The following PTGFRN variants were observed in gnomAD, a reference collection of about 807,000 sequenced individuals.
PTGFRN encodes the protein prostaglandin F2 receptor inhibitor.
PTGFRN carries 35 observed loss-of-function variants against 83.2 expected under a neutral mutation model. The ratio of observed to expected loss-of-function variants is 0.42; its 90% confidence interval spans 0.32 to 0.56. The LOEUF (loss-of-function observed/expected upper bound fraction) is 0.56. PTGFRN is among the 20% of genes least tolerant of loss of function. The pLI is 0.11. For synonymous variants in PTGFRN, 519 were observed against 498.6 expected (o/e 1.04, Z -0.55); for missense variants, 1,051 against 1,179.5 (o/e 0.89, Z 1.60).
intron 1 of PTGFRN, among the ~76,000 whole-genome samples, chr1:116,919,658 C>CTCAG (rs1198210379): frequency 6.6e-6 from 1 of 152,224 alleles, no homozygotes. Flanking sequence ...AAGTCACTTG[C>CTCAG]TCAGGGTCAC....
intron 4 of PTGFRN, among the ~76,000 whole-genome samples, chr1:116,955,302 A>G (rs1220503328): frequency 1.3e-5 from 2 of 152,218 alleles, no homozygotes; most frequent in Non-Finnish European, 2.9e-5. Flanking sequence ...TGGCCTCAGT[A>G]TTCTGTGAGA....
chr1:116,971,696 T>C (rs550306745), intron 6 of PTGFRN, among the ~76,000 whole-genome samples: 1 of 152,348 alleles, frequency 6.6e-6, no homozygotes, highest in East Asian at 1.9e-4. Flanking sequence ...TTGTCTGCCT[T>C]GTGAGCTGCA....
At chr1:116,980,504 A>G (rs979095607) in intron 7 of PTGFRN, among the ~76,000 whole-genome samples, 4 of 152,228 alleles carry the variant, frequency 2.6e-5, no homozygotes, top group African/African-American at 9.7e-5. Flanking sequence ...GCACATATAC[A>G]CCATGGAATA....
In PTGFRN at chr1:116,989,601, T is replaced by C. The variant is rs1367559299; in HGVS notation, c.*2634T>C. 6.6e-6 allele frequency: 1 copy of C among 152,604 alleles called. No individual in the cohort carries two copies. Among genetic ancestry groups the C allele is most frequent in the Non-Finnish European group, 1.5e-5 (1 of 68,042 alleles). 9.5% of individuals were successfully genotyped at this position (152,604 alleles called of 1,614,324 possible). ...CTTTATAAAAGTTTGGGATTTTTTT[T>C]CCTAATCATAAAAATAGCCCCAGAA... On this transcript the variant is annotated 3_prime_UTR_variant, in exon 9 of 9. Transcript: ENST00000393203.
At position 116,949,416 on chromosome 1, in the gene PTGFRN, G is replaced by A. The variant is rs753167793; in HGVS notation, c.1057G>A (p.Ala353Thr). The A allele has an allele frequency of 7.5e-5, 121 of 1,614,138 alleles. 3 individuals carry two copies. In the South Asian group the frequency reaches 1.3e-3, roughly 17 times the overall value. The change falls in exon 4 of 9, where the codon GCA (alanine) becomes ACA (threonine). Residue 353 changes from alanine to threonine, a missense_variant. This residue lies in a region of PTGFRN where 719 missense variants were observed against 836.6 expected (regional missense o/e 0.86). Coordinates refer to ENST00000393203, the MANE Select transcript of PTGFRN (RefSeq NM_020440.4). ...TCATGTTGCTTTGAGTCATGTGGAT[G>A]CACGCTCCTACCATTTACTGGTTCG... ...SPHVALSHVD[A>T]RSYHLLVRDV... is the part of the protein sequence containing the mutation.
intron 1 of PTGFRN, among the ~76,000 whole-genome samples, chr1:116,921,022 C>T (rs980543570): frequency 3.9e-5 from 6 of 152,192 alleles, no homozygotes; most frequent in Non-Finnish European, 5.9e-5. Flanking sequence ...TTGCTTTGGT[C>T]TGAACAAGGA....
intron 6 of PTGFRN, among the ~76,000 whole-genome samples, chr1:116,970,251 A>G (rs1447073303): frequency 6.6e-6 from 1 of 151,916 alleles, no homozygotes; most frequent in African/African-American, 2.4e-5. Context: ...GATGCCCTTT[A>G]TCAGATTGAG....
chr1:116,917,770 C>T (rs1649440162), intron 1 of PTGFRN, among the ~76,000 whole-genome samples: 1 of 152,068 alleles, frequency 6.6e-6, no homozygotes, highest in African/African-American at 2.4e-5. Flanking sequence ...GCCAGGACTG[C>T]ACAACCAGGC....
intron 4 of PTGFRN, among the ~76,000 whole-genome samples, chr1:116,955,915 T>C (rs746563732): frequency 1.3e-5 from 2 of 152,264 alleles, no homozygotes; most frequent in Non-Finnish European, 2.9e-5. Flanking sequence ...TGGGATTTGT[T>C]GAATACGAAA....
chr1:116,939,462 T>C (rs12737046), intron 1 of PTGFRN, among the ~76,000 whole-genome samples: 134,893 of 152,278 alleles, frequency 0.89, 60,185 homozygotes, highest in Non-Finnish European at 0.94. Flanking sequence ...CTGCATTGGC[T>C]CCTTTCAGCT....
chr1:116,960,443 AG>A (rs986853239), intron 4 of PTGFRN, among the ~76,000 whole-genome samples: 4 of 152,240 alleles, frequency 2.6e-5, no homozygotes, highest in African/African-American at 9.6e-5. Flanking sequence ...CAGAGGAAGG[AG>A]GGGTTTTTCT....
At chr1:116,954,138 G>T (rs1042772368) in intron 4 of PTGFRN, among the ~76,000 whole-genome samples, 2 of 152,098 alleles carry the variant, frequency 1.3e-5, no homozygotes, top group Non-Finnish European at 2.9e-5. Context: ...GATTACAGGT[G>T]TGAGCCACCG....
At chr1:116,973,374 G>A (rs552248729) in intron 6 of PTGFRN, among the ~76,000 whole-genome samples, 1 of 152,160 alleles carries the variant, frequency 6.6e-6, no homozygotes, top group Admixed American at 6.5e-5. Context: ...ACTTTGGGAG[G>A]CGGGCAGATC....
At chr1:116,959,066 C>A (rs1241309955) in intron 4 of PTGFRN, among the ~76,000 whole-genome samples, 1 of 152,214 alleles carries the variant, frequency 6.6e-6, no homozygotes, top group Non-Finnish European at 1.5e-5. Flanking sequence ...ATTGCTGCAT[C>A]CTGAATTCGA....
intron 7 of PTGFRN, among the ~76,000 whole-genome samples, chr1:116,979,624 G>C (rs551408805): frequency 6.6e-6 from 1 of 152,128 alleles, no homozygotes. Flanking sequence ...ATGGGGAAAG[G>C]ATTCCCTATT....
At chr1:116,986,067 G>A (rs1651471092) in intron 8 of PTGFRN, among the ~76,000 whole-genome samples, 1 of 152,166 alleles carries the variant, frequency 6.6e-6, no homozygotes, top group Admixed American at 6.5e-5. Flanking sequence ...AGACTACTTA[G>A]CCTTTCTGAT....
In PTGFRN at chr1:116,974,270, A is replaced by T; in HGVS notation, c.2114A>T (p.Asp705Val). The change falls in exon 7 of 9, where the codon GAT (aspartate) becomes GTT (valine). Residue 705 changes from aspartate to valine, a missense_variant. Asp to Val is a radical substitution (Grantham distance 152). This residue lies in a region of PTGFRN where 719 missense variants were observed against 836.6 expected (regional missense o/e 0.86). Transcript: ENST00000393203. ...HSDTPSVIRGDLIKLFCIITV... is the reference protein window; with the variant it reads ...HSDTPSVIRGVLIKLFCIITV... Reference sequence around the variant, plus strand: ...GACACACCATCAGTAATTCGGGGAGATCTGATCAAATTGTTCTGTATCATC... The same window carrying T: ...GACACACCATCAGTAATTCGGGGAGTTCTGATCAAATTGTTCTGTATCATC... 1 of 1,613,622 alleles carries T rather than the reference A, an allele frequency of 6.2e-7. No individual in the cohort carries two copies. Among genetic ancestry groups the T allele is most frequent in the Non-Finnish European group, 8.5e-7 (1 of 1,179,626 alleles).
At chr1:116,954,599 C>T (rs1031031751) in intron 4 of PTGFRN, among the ~76,000 whole-genome samples, 29 of 152,160 alleles carry the variant, frequency 1.9e-4, no homozygotes, top group African/African-American at 7.0e-4. Context: ...AGGATTAGTG[C>T]TTCAGCTGTT....
At chr1:116,984,638 C>T (rs1271578008) in intron 7 of PTGFRN, 42 bp from the exon 8 acceptor site, 9 of 1,584,286 alleles carry the variant, frequency 5.7e-6, no homozygotes, top group Non-Finnish European at 7.7e-6. Context: ...ATGACTTCTG[C>T]CCATTGCACT....
Sources: gnomAD v4.1 joint callset for allele counts (sites outside exome capture counted in the v4.1 genomes callset) on GRCh38, gnomAD v4.1.1 for gene constraint, gnomAD v4.1.1 regional missense constraint, MANE v1.5 for transcripts, NCBI Gene and HGNC (gene_info 2026-07-23, HGNC 2026-07-21) for gene names.